The following GFPT2 variants were observed in gnomAD, a reference collection of about 807,000 sequenced individuals.
GFPT2 encodes glutamine--fructose-6-phosphate transaminase 2, also known as glutamine--fructose-6-phosphate aminotransferase [isomerizing] 2.
In GFPT2, 62 loss-of-function variants were observed where a neutral mutation model predicts 85.6. The ratio of observed to expected loss-of-function variants is 0.72; its 90% CI spans 0.59 to 0.90. GFPT2 has a LOEUF of 0.90. GFPT2 is among the 40% of genes least tolerant of loss of function. The pLI, the probability that GFPT2 is intolerant of heterozygous loss-of-function variation, is 0.00. For missense variants in GFPT2, 788 were observed against 893.4 expected (o/e 0.88, Z 1.50); for synonymous variants, 368 against 344.5 (o/e 1.07, Z -0.75).
Position 180,353,259 on chromosome 5 carries a change from GC to G in GFPT2, c.-43del. The stretch of plus-strand genomic sequence containing the variant: ...GCTCCTTCGCGGCTCGAGGGGGTCT[GC>G]CCGTTCGGACGCTGGGGCTCCTCCG... On this transcript the variant is annotated 5_prime_UTR_variant, in exon 1 of 19. Coordinates refer to ENST00000253778, the MANE Select transcript of GFPT2 (RefSeq NM_005110.4). 2 of 1,239,808 alleles carry G rather than the reference GC, an allele frequency of 1.6e-6. No individual in the cohort carries two copies. The highest frequency in any genetic ancestry group is 2.0e-6 in the Non-Finnish European group (2 of 987,816). 76.8% of individuals were successfully genotyped at this position (1,239,808 alleles called of 1,614,324 possible).
intron 6 of GFPT2, among the ~76,000 whole-genome samples, chr5:180,329,888 C>A (rs937663650): frequency 6.6e-6 from 1 of 152,204 alleles, no homozygotes; most frequent in Non-Finnish European, 1.5e-5. Flanking sequence ...TCCCCTTGGA[C>A]AATACGCCCA....
chr5:180,313,328 A>G (rs1315951074), intron 14 of GFPT2, among the ~76,000 whole-genome samples: 1 of 151,802 alleles, frequency 6.6e-6, no homozygotes, highest in African/African-American at 2.4e-5. Context: ...ACGGGGGCTC[A>G]CGCCTGTAAT....
At chr5:180,306,794 C>G (rs1439162486) in intron 16 of GFPT2, among the ~76,000 whole-genome samples, 1 of 152,216 alleles carries the variant, frequency 6.6e-6, no homozygotes, top group Non-Finnish European at 1.5e-5. Context: ...CTTAAGCTTT[C>G]AGAGGCTTTG....
At position 180,328,342 on chromosome 5, in the gene GFPT2, A is replaced by G. The variant is rs1482555380; in HGVS notation, c.535-4T>C. 3 of 1,611,472 alleles carry G rather than the reference A, an allele frequency of 1.9e-6. No homozygotes were observed. The highest frequency in any genetic ancestry group is 1.7e-6 in the Non-Finnish European group (2 of 1,177,780). On this transcript the variant is annotated splice_polypyrimidine_tract_variant and splice_region_variant and intron_variant, in intron 6 of 18. Coordinates refer to ENST00000253778, the MANE Select transcript of GFPT2 (RefSeq NM_005110.4). The surrounding 1 kb of genome is among the most constrained non-coding windows in gnomAD (Gnocchi z 5.4). Reference sequence around the variant, plus strand: ...AAACCAGCGCGAATGCACCTTCCTGAAAACACACAAACAGTGAGGGTCAAC... The same window carrying G: ...AAACCAGCGCGAATGCACCTTCCTGGAAACACACAAACAGTGAGGGTCAAC...
At chr5:180,305,057 T>C (rs1372338701) in intron 16 of GFPT2, 118 bp from the exon 17 acceptor site, 2 of 744,446 alleles carry the variant, frequency 2.7e-6, no homozygotes, top group Admixed American at 2.1e-5. Flanking sequence ...GAGCCAAGGG[T>C]TGCAAGGCAG....
intron 1 of GFPT2, chr5:180,352,856 G>GA: frequency 7.5e-6 from 3 of 401,958 alleles, no homozygotes; most frequent in Non-Finnish European, 9.0e-6. Context: ...GGGAGACGTG[G>GA]AGGAGAGCGA....
At chr5:180,341,780 G>C (rs1764520677) in intron 1 of GFPT2, among the ~76,000 whole-genome samples, 1 of 152,208 alleles carries the variant, frequency 6.6e-6, no homozygotes, top group African/African-American at 2.4e-5. Flanking sequence ...TTCTCCGGCA[G>C]GGCCAAAGTG....
At chr5:180,307,042 G>C in intron 16 of GFPT2, 134 bp downstream of exon 16, 1 of 670,884 alleles carries the variant, frequency 1.5e-6, no homozygotes, top group Non-Finnish European at 2.6e-6. Flanking sequence ...CTCAGCGCAG[G>C]CTCACAGGAC....
In GFPT2 at chr5:180,335,970, T is replaced by G; in HGVS notation, c.215-17A>C. 6.4e-7 allele frequency: 1 copy of G among 1,555,126 alleles called. No individual in the cohort carries two copies. Among genetic ancestry groups the G allele is most frequent in the Admixed American group, 2.2e-5 (1 of 45,640 alleles). Reference sequence around the variant, plus strand: ...TGTCTTGTTCTAAATGAAAGGAAAATCAGTTTGCCGCACTTGAACAACAAG... The same window carrying G: ...TGTCTTGTTCTAAATGAAAGGAAAAGCAGTTTGCCGCACTTGAACAACAAG... On this transcript the variant is annotated splice_polypyrimidine_tract_variant and intron_variant, in intron 3 of 18. Coordinates refer to ENST00000253778, the MANE Select transcript of GFPT2 (RefSeq NM_005110.4).
At position 180,335,787 on chromosome 5, in the gene GFPT2, G is replaced by C. The variant is rs754266919; in HGVS notation, c.340+41C>G. The C allele has an allele frequency of 2.5e-6, 4 of 1,590,240 alleles. No homozygotes were observed. In the South Asian group the frequency reaches 4.6e-5, roughly 18 times the overall value. On this transcript the variant is annotated intron_variant, in intron 4 of 18. Coordinates refer to ENST00000253778, the MANE Select transcript of GFPT2 (RefSeq NM_005110.4). ...GGGCACTGGCCCTGACACAGCTCAG[G>C]GTGAGGTGGAACCATGGGGACGGGG...
intron 7 of GFPT2, 112 bp from the exon 8 acceptor site, chr5:180,325,007 G>A: frequency 1.3e-6 from 1 of 758,738 alleles, no homozygotes; most frequent in Non-Finnish European, 2.3e-6. Flanking sequence ...CAGTGGTGGA[G>A]GATCCTGTTT....
At chr5:180,335,792 G>A in intron 4 of GFPT2, 36 bp downstream of exon 4, 1 of 1,593,962 alleles carries the variant, frequency 6.3e-7, no homozygotes, top group African/African-American at 1.4e-5. Flanking sequence ...CTCAGGGTGA[G>A]GTGGAACCAT....
At chr5:180,316,687 C>T in intron 12 of GFPT2, 77 bp downstream of exon 12, 1 of 1,081,462 alleles carries the variant, frequency 9.2e-7, no homozygotes, top group Non-Finnish European at 1.4e-6. Context: ...CAGAAGGCCA[C>T]ATGAGTGATA....
intron 15 of GFPT2, among the ~76,000 whole-genome samples, chr5:180,308,475 G>A (rs1581367924): frequency 6.6e-6 from 1 of 152,074 alleles, no homozygotes; most frequent in South Asian, 2.1e-4. Flanking sequence ...TTCAATCTGT[G>A]GTGATAAGCT....
At chr5:180,329,805 C>T (rs1371146017) in intron 6 of GFPT2, among the ~76,000 whole-genome samples, 4 of 152,190 alleles carry the variant, frequency 2.6e-5, no homozygotes, top group South Asian at 2.1e-4. Flanking sequence ...CTCTGAGAGG[C>T]CCGGACCCCT....
At chr5:180,336,969 C>T (rs1172478317) in intron 2 of GFPT2, among the ~76,000 whole-genome samples, 2 of 152,254 alleles carry the variant, frequency 1.3e-5, no homozygotes, top group African/African-American at 4.8e-5. Context: ...TTCCTCCCGT[C>T]GTCTATCGGA....
In GFPT2 at chr5:180,304,817, G is replaced by GC; in HGVS notation, c.1796dup (p.Cys599TrpfsTer29). The GC allele has an allele frequency of 6.2e-7, 1 of 1,614,076 alleles. No homozygotes were observed. Among genetic ancestry groups the GC allele is most frequent in the Non-Finnish European group, 8.5e-7 (1 of 1,179,940 alleles). ...GCAGGGCGTTCTGGCATTTGGCGAA[G>GC]CAAGGATCCTTCATAATGACCATGA... On this transcript the variant is annotated frameshift_variant, in exon 17 of 19. Transcript: ENST00000253778. LOFTEE classifies it high-confidence loss of function.
chr5:180,351,501 G>T (rs1396609818), intron 1 of GFPT2, among the ~76,000 whole-genome samples: 2 of 151,044 alleles, frequency 1.3e-5, no homozygotes, highest in African/African-American at 4.9e-5. Context: ...CTTTGATTCT[G>T]GCTCCGAGTG....
At position 180,336,028 on chromosome 5, in the gene GFPT2, T is replaced by G. The variant is rs553826287; in HGVS notation, c.215-75A>C. 9 of 1,422,520 alleles carry G rather than the reference T, an allele frequency of 6.3e-6. No individual in the cohort carries two copies. In the African/African-American group the frequency reaches 1.2e-4, roughly 19 times the overall value. The allele number at this position is 1,422,520 out of a possible 1,614,324, so 88.1% of individuals were successfully genotyped here. On this transcript the variant is annotated intron_variant, in intron 3 of 18. Transcript: ENST00000253778. ...CCAGGACTGTGAGTGCAACCTGGTG[T>G]CGTTACCCAAGTCACGTCACCCACA...
Sources: gnomAD v4.1 joint callset for allele counts (sites outside exome capture counted in the v4.1 genomes callset) on GRCh38, gnomAD v4.1.1 for gene constraint, Gnocchi (gnomAD v3.1) non-coding constraint, MANE v1.5 for transcripts, NCBI Gene and HGNC (gene_info 2026-07-23, HGNC 2026-07-21) for gene names.